The following LIG1 variants were observed in gnomAD, a reference collection of about 807,000 sequenced individuals.
LIG1 encodes ligase I, DNA, ATP-dependent.
LIG1 carries 70 observed loss-of-function variants against 115.7 expected under a neutral mutation model. The observed-to-expected ratio is 0.60, with a 90% CI of 0.50 to 0.74. The LOEUF is 0.74. Among genes scored for constraint, LIG1 ranks in the 30% least tolerant of loss-of-function variants. The pLI is 0.00. For synonymous variants in LIG1, 487 were observed against 495.3 expected, an observed-to-expected ratio of 0.98 and a Z score of 0.22; for missense variants, 1,115 against 1,225.6, an observed-to-expected ratio of 0.91 and a Z score of 1.35.
chr19:48,169,911 T>TTCCC lies in LIG1; in HGVS notation c.-58+329_-58+330insGGGA, dbSNP rs35030999. 65 of 80,040 alleles carry TTCCC rather than the reference T, an allele frequency of 8.1e-4. 1 individual carries two copies. Among genetic ancestry groups the TTCCC allele is most frequent in the East Asian group, 3.5e-3 (7 of 2,014 alleles). The allele number at this position is 80,040 out of a possible 1,614,324, so 5.0% of individuals were successfully genotyped here. ...CCAGCTGGCCCCGCCCACACAGTTT[T>TTCCC]CCCCCCCCCGGCCCCGCCCCTCAGT... On this transcript the variant is annotated intron_variant, in intron 1 of 27. Transcript: ENST00000263274.
At chr19:48,148,512 G>A (rs369815263) in intron 9 of LIG1, among the ~76,000 whole-genome samples, 8 of 151,760 alleles carry the variant, frequency 5.3e-5, no homozygotes, top group African/African-American at 1.9e-4. Flanking sequence ...ATGACAGCAC[G>A]TGGGGACATG....
At chr19:48,129,701 G>A (rs1389889406) in intron 19 of LIG1, among the ~76,000 whole-genome samples, 1 of 152,182 alleles carries the variant, frequency 6.6e-6, no homozygotes, top group Non-Finnish European at 1.5e-5. Flanking sequence ...GTGGATGCAT[G>A]GTGTTGGACA....
intron 1 of LIG1, among the ~76,000 whole-genome samples, chr19:48,167,608 C>T (rs1050362678): frequency 6.6e-6 from 1 of 151,956 alleles, no homozygotes; most frequent in Non-Finnish European, 1.5e-5. Flanking sequence ...AGGCGGATCA[C>T]GAGGTCAGGA....
chr19:48,132,889 C>T (rs1250113341), intron 18 of LIG1, 93 bp downstream of exon 18: 1 of 909,764 alleles, frequency 1.1e-6, no homozygotes, highest in Non-Finnish European at 1.8e-6. Flanking sequence ...GTCTGTGGCG[C>T]AGGCCGGCTT....
chr19:48,144,265 C>T (rs3730929), intron 9 of LIG1, among the ~76,000 whole-genome samples: 255 of 152,168 alleles, frequency 1.7e-3, no homozygotes, highest in African/African-American at 5.8e-3. Flanking sequence ...CAGGGAAGGC[C>T]GGAGACATCT....
intron 1 of LIG1, among the ~76,000 whole-genome samples, chr19:48,167,419 GT>G (rs2036539535): frequency 1.3e-5 from 2 of 151,918 alleles, no homozygotes; most frequent in Admixed American, 1.3e-4. Context: ...GTCCCCTTTC[GT>G]TTTCTGGAAT....
Position 48,117,775 on chromosome 19 carries a change from C to A in LIG1, c.2446G>T (p.Val816Leu). 1 of 1,612,470 alleles carries A rather than the reference C, an allele frequency of 6.2e-7. No individual in the cohort carries two copies. The change falls in exon 26 of 28, where the codon GTG (valine) becomes TTG (leucine). Residue 816 changes from valine (V) to leucine (L), a missense_variant. Transcript: ENST00000263274. ...ACGTAAGGGCGTGGGCTGGGCAGCA[C>A]CAGCGCCTGCAGTGAGCAGAGGAAG... ...EEHHQSLKAL[V>L]LPSPRPYVRI...
At position 48,165,627 on chromosome 19, in the gene LIG1, G is replaced by A. The variant is rs1010097519; in HGVS notation, c.-57-4C>T. 1 of 1,611,628 alleles carries A rather than the reference G, an allele frequency of 6.2e-7. No homozygotes were observed. The highest frequency in any genetic ancestry group is 1.3e-5 in the African/African-American group (1 of 74,578). On this transcript the variant is annotated splice_polypyrimidine_tract_variant and splice_region_variant and intron_variant, in intron 1 of 27. Transcript: ENST00000263274. The stretch of plus-strand genomic sequence containing the variant: ...TTTCTTCGTCTGTCAGCTGCTCCTG[G>A]AACAGAAATCCAAACACTTGTTGAG...
chr19:48,136,803 T>C (rs952020134), intron 14 of LIG1, among the ~76,000 whole-genome samples: 12 of 152,232 alleles, frequency 7.9e-5, no homozygotes, highest in African/African-American at 2.9e-4. Flanking sequence ...GGGCCTTCTC[T>C]AGACAGCACT....
intron 11 of LIG1, among the ~76,000 whole-genome samples, chr19:48,140,504 C>T (rs1339127375): frequency 6.6e-6 from 1 of 152,180 alleles, no homozygotes; most frequent in East Asian, 1.9e-4. Flanking sequence ...TTGGTAATAG[C>T]CCTTTCTGGA....
At chr19:48,118,885 C>A (rs1042307576) in intron 25 of LIG1, among the ~76,000 whole-genome samples, 5 of 152,194 alleles carry the variant, frequency 3.3e-5, no homozygotes, top group Admixed American at 6.5e-5. Context: ...CTTTGGCTAA[C>A]CCCTGGTGTG....
chr19:48,129,402 A>G (rs1038600154), intron 19 of LIG1, among the ~76,000 whole-genome samples: 29 of 152,106 alleles, frequency 1.9e-4, no homozygotes, highest in African/African-American at 7.0e-4. Context: ...TGGAGCCCGG[A>G]TCTCCACATA....
Position 48,150,044 on chromosome 19 carries a change from T to A in LIG1, c.697+44A>T, listed in dbSNP as rs758580769. Reference sequence around the variant, plus strand: ...TCTGGAGAGAGGCTCACCAGCCTCCTGCCTGTACAACCCCGGGAGGTGGGG... The same window carrying A: ...TCTGGAGAGAGGCTCACCAGCCTCCAGCCTGTACAACCCCGGGAGGTGGGG... On this transcript the variant is annotated intron_variant, in intron 8 of 27. Transcript: ENST00000263274. The A allele has an allele frequency of 1.2e-5, 19 of 1,613,648 alleles. 1 individual carries two copies. The South Asian group carries it at 2.1e-4, about 18-fold the overall frequency.
At chr19:48,149,612 T>C (rs758232012) in intron 9 of LIG1, 151 bp downstream of exon 9, 20 of 692,106 alleles carry the variant, frequency 2.9e-5, no homozygotes, top group Non-Finnish European at 4.7e-5. Context: ...ATGTGTCCCA[T>C]AAAGCCTAAA....
At chr19:48,144,867 C>T (rs1390049264) in intron 9 of LIG1, among the ~76,000 whole-genome samples, 1 of 152,108 alleles carries the variant, frequency 6.6e-6, no homozygotes, top group Non-Finnish European at 1.5e-5. Context: ...GATTAACTCA[C>T]CCATGGCCAC....
chr19:48,151,813 G>A (rs1038560482), intron 6 of LIG1, among the ~76,000 whole-genome samples: 12 of 36,444 alleles, frequency 3.3e-4, no homozygotes, highest in South Asian at 1.2e-3. Context: ...GGTCCAGCCC[G>A]TTTGCCTATG....
chr19:48,125,612 G>A (rs937591022), intron 21 of LIG1, among the ~76,000 whole-genome samples: 7 of 152,182 alleles, frequency 4.6e-5, no homozygotes, highest in Admixed American at 3.3e-4. Flanking sequence ...CAACAAACCT[G>A]AAAAGATGAT....
At chr19:48,157,232 G>T in intron 4 of LIG1, 92 bp from the exon 5 acceptor site, 1 of 1,372,968 alleles carries the variant, frequency 7.3e-7, no homozygotes, top group Non-Finnish European at 9.9e-7. Context: ...AAACCTCTCT[G>T]TCTACCCTCC....
At chr19:48,117,582 C>G (rs906515629) in intron 26 of LIG1, 56 bp downstream of exon 26, 23 of 1,594,402 alleles carry the variant, frequency 1.4e-5, no homozygotes, top group Middle Eastern at 2.1e-4. Context: ...ACTCTGCTCT[C>G]TGTGTGCCCG....
Sources: allele counts gnomAD v4.1 joint callset (sites outside exome capture counted in the v4.1 genomes callset), GRCh38; gene constraint gnomAD v4.1.1; transcripts MANE v1.5; gene names NCBI Gene and HGNC (gene_info 2026-07-23, HGNC 2026-07-21).